Variants in FAM184A observed in about 807,000 individuals in gnomAD.
FAM184A encodes family with sequence similarity 184 member A, also known as protein FAM184A.
A neutral mutation model predicts 143.8 loss-of-function variants in FAM184A; 99 were observed. That is an observed-to-expected ratio of 0.69 (90% CI 0.58 to 0.81). The LOEUF is 0.81. FAM184A is among the 40% of genes least tolerant of loss of function. FAM184A has a pLI of 0.00. For missense variants in FAM184A, 1,217 were observed against 1,310.5 expected, an observed-to-expected ratio of 0.93 and a Z score of 1.10; for synonymous variants, 427 against 446.4, an observed-to-expected ratio of 0.96 and a Z score of 0.55.
At chr6:119,043,027 A>G (rs748861628) in intron 1 of FAM184A, among the ~76,000 whole-genome samples, 2 of 152,222 alleles carry the variant, frequency 1.3e-5, no homozygotes, top group African/African-American at 4.8e-5. Flanking sequence ...AATTCTCTGA[A>G]GAAAATTAAA....
At chr6:118,970,969 A>T (rs1236898487) in intron 14 of FAM184A, among the ~76,000 whole-genome samples, 1 of 152,208 alleles carries the variant, frequency 6.6e-6, no homozygotes, top group Non-Finnish European at 1.5e-5. Context: ...AAATCAGTGA[A>T]TTTTAGAACC....
intron 4 of FAM184A, among the ~76,000 whole-genome samples, chr6:119,019,095 G>A (rs1279767380): frequency 6.6e-6 from 1 of 152,184 alleles, no homozygotes; most frequent in Non-Finnish European, 1.5e-5. Flanking sequence ...AGTGACAGTT[G>A]ATGTTACTGG....
chr6:119,058,851 T>A (rs1175081327), intron 1 of FAM184A, among the ~76,000 whole-genome samples: 2 of 152,196 alleles, frequency 1.3e-5, no homozygotes. Flanking sequence ...ACCCAGCCAT[T>A]TGAGTCTTCC....
intron 5 of FAM184A, among the ~76,000 whole-genome samples, chr6:119,013,110 A>G (rs1335560266): frequency 2.0e-5 from 3 of 150,638 alleles, no homozygotes; most frequent in South Asian, 4.2e-4. Context: ...ACTCTGATAA[A>G]AAAAAAAAGA....
Position 119,065,011 on chromosome 6 carries a change from T to G in FAM184A, c.159+13130A>C, listed in dbSNP as rs141887607. On this transcript the variant is annotated intron_variant, in intron 1 of 17. Coordinates refer to ENST00000338891, the MANE Select transcript of FAM184A (RefSeq NM_024581.6). ...CTAGATGTACATGGCCAACTAAAAC[T>G]CTCAGAACTCTCCCATCAATTTTGC... 7.5e-3 allele frequency among the ~76,000 whole-genome samples: 1,135 copies of G among 152,264 alleles called. 8 individuals are homozygous for G. The highest frequency in any genetic ancestry group is 0.026 in the African/African-American group (1,075 of 41,546).
chr6:118,965,880 T>A (rs1349089004), intron 15 of FAM184A, among the ~76,000 whole-genome samples: 1 of 152,250 alleles, frequency 6.6e-6, no homozygotes, highest in African/African-American at 2.4e-5. Context: ...GCTTGCTGAT[T>A]TCATGTGTGA....
intron 9 of FAM184A, among the ~76,000 whole-genome samples, chr6:118,981,156 A>C (rs1784008045): frequency 6.6e-6 from 1 of 152,148 alleles, no homozygotes; most frequent in Non-Finnish European, 1.5e-5. Context: ...AGATGTCTTA[A>C]TATACTTAAA....
intron 1 of FAM184A, chr6:119,068,995 T>C (rs182658639): frequency 2.1e-5 from 7 of 331,972 alleles, no homozygotes; most frequent in Admixed American, 6.8e-5. Flanking sequence ...TTAAAATATA[T>C]GATTAATATA....
chr6:119,034,171 A>G (rs530405973), intron 1 of FAM184A, among the ~76,000 whole-genome samples: 5 of 151,284 alleles, frequency 3.3e-5, no homozygotes, highest in East Asian at 3.9e-4. Flanking sequence ...ACGAACATAC[A>G]TTCTAAAGAA....
At chr6:118,981,466 A>G (rs2114584895) in intron 9 of FAM184A, among the ~76,000 whole-genome samples, 1 of 152,344 alleles carries the variant, frequency 6.6e-6, no homozygotes, top group South Asian at 2.1e-4. Context: ...GAAACTTTAA[A>G]GTGAGTTTTT....
intron 14 of FAM184A, among the ~76,000 whole-genome samples, chr6:118,969,993 A>ATAATATATATATATATATAT: frequency 4.1e-5 from 1 of 24,384 alleles, no homozygotes; most frequent in African/African-American, 1.4e-4. Context: ...ATATATATAT[A>ATAATATATATATATATATAT]ATATATATAT....
intron 1 of FAM184A, among the ~76,000 whole-genome samples, chr6:119,145,051 G>A (rs1016097786): frequency 6.6e-6 from 1 of 152,204 alleles, no homozygotes; most frequent in African/African-American, 2.4e-5. Flanking sequence ...TGACCTCTAG[G>A]CATGGCATGT....
intron 1 of FAM184A, among the ~76,000 whole-genome samples, chr6:119,061,777 G>A (rs1465243080): frequency 1.3e-5 from 2 of 151,946 alleles, no homozygotes; most frequent in Non-Finnish European, 2.9e-5. Context: ...AGGATGGGAA[G>A]GGCTTGAGGA....
chr6:119,085,211 A>G (rs1003708718), intron 1 of FAM184A, among the ~76,000 whole-genome samples: 2 of 152,164 alleles, frequency 1.3e-5, no homozygotes, highest in African/African-American at 2.4e-5. Flanking sequence ...TTTTAAATGT[A>G]AGTTCCAGTT....
intron 1 of FAM184A, among the ~76,000 whole-genome samples, chr6:119,089,235 A>C (rs1321272382): frequency 6.9e-6 from 1 of 145,748 alleles, no homozygotes; most frequent in African/African-American, 2.6e-5. Context: ...ACAGAGTCTC[A>C]CTCTGTCACC....
At chr6:119,102,784 C>CAAAAA (rs58686018) in intron 1 of FAM184A, among the ~76,000 whole-genome samples, 799 of 29,326 alleles carry the variant, frequency 0.027, 51 homozygotes, top group Middle Eastern at 0.038. Context: ...GACTCCATCT[C>CAAAAA]AAAAAAAAAA....
chr6:119,003,217 C>T (rs901989917), intron 8 of FAM184A, among the ~76,000 whole-genome samples, 168 bp from the exon 9 acceptor site: 10 of 151,988 alleles, frequency 6.6e-5, no homozygotes, highest in African/African-American at 2.4e-4. Context: ...GGTAACTTAC[C>T]CCAATATCAC....
At chr6:118,985,386 T>C (rs1784160326) in intron 9 of FAM184A, among the ~76,000 whole-genome samples, 1 of 152,142 alleles carries the variant, frequency 6.6e-6, no homozygotes. Context: ...ATGAGGTGGT[T>C]TTCACACACT....
intron 9 of FAM184A, among the ~76,000 whole-genome samples, chr6:118,993,323 T>C (rs1784437132): frequency 6.6e-6 from 1 of 152,142 alleles, no homozygotes; most frequent in Admixed American, 6.5e-5. Flanking sequence ...AGGAAGAAAA[T>C]TTACAATAAC....
Sources: allele counts gnomAD v4.1 joint callset (sites outside exome capture counted in the v4.1 genomes callset), GRCh38; gene constraint gnomAD v4.1.1; transcripts MANE v1.5; gene names NCBI Gene and HGNC (gene_info 2026-07-23, HGNC 2026-07-21).